Variants in PLXDC2 observed in about 807,000 individuals in gnomAD.
The protein encoded by PLXDC2 is plexin domain-containing protein 2.
PLXDC2 carries 40 observed loss-of-function variants against 68.9 expected under a neutral mutation model. That is an observed-to-expected ratio of 0.58 (90% CI 0.45 to 0.76). PLXDC2 has a LOEUF of 0.76. Among genes scored for constraint, PLXDC2 ranks in the 30% least tolerant of loss-of-function variants. The pLI is 0.00. For synonymous variants in PLXDC2, 243 were observed against 234.2 expected (o/e 1.04, Z -0.34); for missense variants, 644 against 661.9 (o/e 0.97, Z 0.30).
intron 13 of PLXDC2, among the ~76,000 whole-genome samples, chr10:20,261,411 C>T (rs1012919092): frequency 6.6e-6 from 1 of 152,086 alleles, no homozygotes; most frequent in African/African-American, 2.4e-5. Context: ...TTTTAAAATA[C>T]AAGAGAATAA....
intron 12 of PLXDC2, among the ~76,000 whole-genome samples, chr10:20,235,439 C>A (rs1366063236): frequency 6.6e-6 from 1 of 152,148 alleles, no homozygotes; most frequent in Non-Finnish European, 1.5e-5. Flanking sequence ...GTGGCACTAA[C>A]AACATTAATA....
At chr10:20,229,565 G>A (rs1196157497) in intron 12 of PLXDC2, among the ~76,000 whole-genome samples, 1 of 148,092 alleles carries the variant, frequency 6.8e-6, no homozygotes, top group East Asian at 2.0e-4. Flanking sequence ...TTGATGGAGA[G>A]AAAAGATATG....
intron 1 of PLXDC2, among the ~76,000 whole-genome samples, chr10:19,908,034 G>A (rs905160660): frequency 3.3e-5 from 5 of 151,768 alleles, no homozygotes; most frequent in Non-Finnish European, 7.4e-5. Flanking sequence ...TATAAAAGCG[G>A]GATGTCACTC....
chr10:20,258,181 TTAG>T (rs1201636823), intron 13 of PLXDC2, among the ~76,000 whole-genome samples: 1 of 151,922 alleles, frequency 6.6e-6, no homozygotes, highest in Non-Finnish European at 1.5e-5. Context: ...CTTTATATTT[TTAG>T]TAGTGATGGG....
intron 4 of PLXDC2, among the ~76,000 whole-genome samples, chr10:20,136,738 A>G (rs183771522): frequency 9.8e-4 from 150 of 152,344 alleles, no homozygotes; most frequent in African/African-American, 3.4e-3. Context: ...TAAACTACAA[A>G]TGTTCAATGC....
intron 4 of PLXDC2, among the ~76,000 whole-genome samples, chr10:20,072,546 AGAAAGAAAAG>A (rs1352934025): frequency 6.8e-6 from 1 of 147,150 alleles, no homozygotes; most frequent in African/African-American, 2.7e-5. Flanking sequence ...AAAGAAAGAA[AGAAAGAAAAG>A]GAAAGAAAGG....
intron 12 of PLXDC2, among the ~76,000 whole-genome samples, chr10:20,219,736 G>A (rs1326425470): frequency 1.3e-5 from 2 of 152,114 alleles, no homozygotes; most frequent in Non-Finnish European, 1.5e-5. Context: ...GTTGGCTCAT[G>A]TATGCTGGGT....
At chr10:20,141,826 T>C (rs1834010677) in intron 4 of PLXDC2, among the ~76,000 whole-genome samples, 1 of 152,066 alleles carries the variant, frequency 6.6e-6, no homozygotes, top group South Asian at 2.1e-4. Context: ...ATTACAAATG[T>C]ACAAAATTCT....
At chr10:20,003,448 T>G (rs1335158906) in intron 2 of PLXDC2, among the ~76,000 whole-genome samples, 1 of 152,148 alleles carries the variant, frequency 6.6e-6, no homozygotes, top group East Asian at 1.9e-4. Context: ...GTTTGTTTGT[T>G]TTGAGACTGA....
intron 12 of PLXDC2, among the ~76,000 whole-genome samples, chr10:20,239,315 C>G (rs948129905): frequency 2.0e-5 from 3 of 152,184 alleles, no homozygotes; most frequent in Non-Finnish European, 2.9e-5. Flanking sequence ...CTACTAGACT[C>G]TGATGAGCTT....
At chr10:20,030,429 C>G (rs1052370031) in intron 2 of PLXDC2, among the ~76,000 whole-genome samples, 1 of 152,196 alleles carries the variant, frequency 6.6e-6, no homozygotes, top group Admixed American at 6.5e-5. Flanking sequence ...TCTTACCCTT[C>G]TTAGATTCTG....
At chr10:19,872,897 C>T (rs1259118081) in intron 1 of PLXDC2, among the ~76,000 whole-genome samples, 2 of 152,162 alleles carry the variant, frequency 1.3e-5, no homozygotes, top group Non-Finnish European at 1.5e-5. Flanking sequence ...TGAAGGTCAC[C>T]AGTGTGCGGG....
At chr10:20,199,110 T>C (rs1344023398) in intron 9 of PLXDC2, among the ~76,000 whole-genome samples, 2 of 152,058 alleles carry the variant, frequency 1.3e-5, no homozygotes, top group African/African-American at 4.8e-5. Flanking sequence ...ATAAATCTAT[T>C]TTATGAATAT....
chr10:20,177,328 C>T lies in PLXDC2; in HGVS notation c.980C>T (p.Thr327Ile). ...GAATCTGTTCTTTCCTCTTCCCTAG[C>T]ATGCCTCCAGTTTAACAGATGTGGC... Reference protein sequence around the residue: ...ISAVEMTPLPTCLQFNRCGPC... With the variant: ...ISAVEMTPLPICLQFNRCGPC... Residue 327 changes from threonine (T) to isoleucine (I), a missense_variant and splice_region_variant, in exon 9 of 14, where the codon ACA becomes ATA. Physicochemically the swap from Thr to Ile is moderately conservative, Grantham distance 89 (BLOSUM62 -1). Coordinates refer to ENST00000377252, the MANE Select transcript of PLXDC2 (RefSeq NM_032812.9). The T allele has an allele frequency of 6.3e-7, 1 of 1,598,444 alleles. No homozygotes were observed. Among genetic ancestry groups the T allele is most frequent in the South Asian group, 1.1e-5 (1 of 90,738 alleles).
At chr10:20,262,769 C>G (rs1392559602) in intron 13 of PLXDC2, among the ~76,000 whole-genome samples, 1 of 152,238 alleles carries the variant, frequency 6.6e-6, no homozygotes. Context: ...TAGGGACTGG[C>G]ATGGGCCCCA....
At chr10:19,956,044 A>G (rs1347854802) in intron 1 of PLXDC2, among the ~76,000 whole-genome samples, 4 of 152,058 alleles carry the variant, frequency 2.6e-5, no homozygotes, top group Non-Finnish European at 5.9e-5. Flanking sequence ...GCGGCATTGC[A>G]CTCCAGCTTG....
chr10:20,238,098 A>T (rs767427449), intron 12 of PLXDC2, among the ~76,000 whole-genome samples: 8 of 151,696 alleles, frequency 5.3e-5, no homozygotes, highest in Non-Finnish European at 7.4e-5. Flanking sequence ...TCATAGAAAC[A>T]TGGAGACATA....
chr10:20,200,109 A>G (rs986168761), intron 9 of PLXDC2, among the ~76,000 whole-genome samples: 1 of 151,588 alleles, frequency 6.6e-6, no homozygotes, highest in Non-Finnish European at 1.5e-5. Context: ...AGACTTCACT[A>G]TGTAAATATA....
chr10:19,921,808 G>A (rs539138661), intron 1 of PLXDC2, among the ~76,000 whole-genome samples: 158 of 152,258 alleles, frequency 1.0e-3, no homozygotes, highest in African/African-American at 3.5e-3. Context: ...CAGTGTATTA[G>A]GGCCAGTTGG....
Sources: allele counts gnomAD v4.1 joint callset (sites outside exome capture counted in the v4.1 genomes callset), GRCh38; gene constraint gnomAD v4.1.1; transcripts MANE v1.5; gene names NCBI Gene and HGNC (gene_info 2026-07-23, HGNC 2026-07-21).